The following TDRP variants were observed in gnomAD, a reference collection of about 807,000 sequenced individuals.
TDRP encodes the protein testis development related protein, also known as testis development-related protein.
Under a neutral mutation model 10.5 loss-of-function variants are expected in TDRP, and 12 were observed. That is an observed-to-expected ratio of 1.15 (90% CI 0.73 to 1.86). The LOEUF (loss-of-function observed/expected upper bound fraction) is 1.86, where lower values mean the gene tolerates loss of function less well. Among genes scored for constraint, TDRP ranks in the 40% most tolerant of loss-of-function variants. The pLI, the probability that TDRP is intolerant of heterozygous loss-of-function variation, is 0.00. For synonymous variants in TDRP, 139 were observed against 95.4 expected, an observed-to-expected ratio of 1.46 and a Z score of -2.67; for missense variants, 353 against 229.2, an observed-to-expected ratio of 1.54 and a Z score of -3.49.
At chr8:500,436 G>T (rs548567911) in intron 1 of TDRP, among the ~76,000 whole-genome samples, 1 of 152,284 alleles carries the variant, frequency 6.6e-6, no homozygotes, top group African/African-American at 2.4e-5. Context: ...CAGAGCTTGG[G>T]TGTGGCAACC....
At chr8:507,446 C>T (rs1161466009) in intron 1 of TDRP, among the ~76,000 whole-genome samples, 2 of 152,176 alleles carry the variant, frequency 1.3e-5, no homozygotes, top group East Asian at 3.9e-4. Context: ...CACAATTTGA[C>T]TGGATTCATT....
At position 528,575 on chromosome 8, in the gene TDRP, C is replaced by A. The variant is rs528363654; in HGVS notation, c.108+16075G>T. Among the ~76,000 whole-genome samples, 63 of 133,878 alleles carry A rather than the reference C, an allele frequency of 4.7e-4. 4 individuals are homozygous for A. The highest frequency in any genetic ancestry group is 1.6e-3 in the African/African-American group (61 of 38,428). The allele number at this position is 133,878 out of a possible 152,430, so 87.8% of individuals were successfully genotyped here. A position where few individuals can be genotyped will look rare whatever the true frequency, so the allele number is the denominator to read the frequency against. On this transcript the variant is annotated intron_variant, in intron 1 of 2. Coordinates refer to ENST00000324079, the MANE Select transcript of TDRP (RefSeq NM_001384899.1). The stretch of plus-strand genomic sequence containing the variant: ...TAAGATCTGGTACTTGACAGCACAA[C>A]AGGATGACTACAGCCAATAATATTA...
intron 1 of TDRP, among the ~76,000 whole-genome samples, chr8:539,394 C>T (rs376041750): frequency 6.6e-6 from 1 of 152,188 alleles, no homozygotes; most frequent in Non-Finnish European, 1.5e-5. Flanking sequence ...GCCTCTGGAA[C>T]TGGAGAAATA....
Position 492,641 on chromosome 8 carries a change from T to C in TDRP, c.316A>G (p.Ile106Val). ...AGTTTTGGAGGCTCCCAACCTTCAA[T>C]TTCATCTGGTTTTTTAGACTGTATA... ...QNIQSKKPDEIEGWEPPKLAL... is the reference protein window; with the variant it reads ...QNIQSKKPDEVEGWEPPKLAL... Residue 106 changes from isoleucine (I) to valine (V), a missense_variant, in exon 3 of 3, where the codon ATT (isoleucine) becomes GTT (valine). By Grantham distance (29) the Ile-to-Val change is conservative (BLOSUM62 3). Coordinates refer to ENST00000324079, the MANE Select transcript of TDRP (RefSeq NM_001384899.1). The C allele has an allele frequency of 6.2e-7, 1 of 1,614,030 alleles. No homozygotes were observed. The highest frequency in any genetic ancestry group is 1.1e-5 in the South Asian group (1 of 91,082).
At chr8:544,353 G>A (rs1014211021) in intron 1 of TDRP, among the ~76,000 whole-genome samples, 20 of 152,052 alleles carry the variant, frequency 1.3e-4, no homozygotes, top group African/African-American at 4.6e-4. Flanking sequence ...CACGTGCAGG[G>A]GGCACTGGGT....
At chr8:499,026 T>C (rs1435563770) in intron 1 of TDRP, among the ~76,000 whole-genome samples, 1 of 152,148 alleles carries the variant, frequency 6.6e-6, no homozygotes, top group Non-Finnish European at 1.5e-5. Flanking sequence ...AATTACCCAG[T>C]CTCAGGTAGT....
At chr8:513,742 A>C (rs1431469369) in intron 1 of TDRP, among the ~76,000 whole-genome samples, 2 of 152,222 alleles carry the variant, frequency 1.3e-5, no homozygotes, top group Non-Finnish European at 2.9e-5. Context: ...TTTGCATACA[A>C]AATATGAAGT....
At chr8:503,251 T>A (rs6997375) in intron 1 of TDRP, among the ~76,000 whole-genome samples, 3 of 148,706 alleles carry the variant, frequency 2.0e-5, no homozygotes, top group Admixed American at 6.6e-5. Flanking sequence ...CACACCAACA[T>A]GGAATCCAGA....
Position 528,479 on chromosome 8 carries a change from G to C in TDRP, c.108+16171C>G, listed in dbSNP as rs188470953. On this transcript the variant is annotated intron_variant, in intron 1 of 2. Transcript: ENST00000324079. ...TGCTTCCAATATATATTGCAGCACT[G>C]TTCACAACAGCCAAGATTTGGAAGC... Among the ~76,000 whole-genome samples the C allele has an allele frequency of 7.0e-4, 93 of 133,504 alleles. 3 individuals are homozygous for C. Among genetic ancestry groups the C allele is most frequent in the Middle Eastern group, 3.8e-3 (1 of 260 alleles). 87.6% of individuals were successfully genotyped at this position (133,504 alleles called of 152,430 possible).
chr8:541,845 C>T (rs1165288632), intron 1 of TDRP, among the ~76,000 whole-genome samples: 1 of 152,114 alleles, frequency 6.6e-6, no homozygotes, highest in African/African-American at 2.4e-5. Flanking sequence ...GACGGTTTGG[C>T]GGTTTCTTAT....
intron 1 of TDRP, among the ~76,000 whole-genome samples, chr8:536,817 A>C (rs1802359189): frequency 6.6e-6 from 1 of 152,110 alleles, no homozygotes; most frequent in Admixed American, 6.5e-5. Flanking sequence ...GAGCCAGCTG[A>C]ATCCGGAGCG....
At chr8:520,801 G>A (rs1328952094) in intron 1 of TDRP, among the ~76,000 whole-genome samples, 1 of 152,046 alleles carries the variant, frequency 6.6e-6, no homozygotes, top group Non-Finnish European at 1.5e-5. Flanking sequence ...TTTTGTTGTT[G>A]TTTGGTCATA....
intron 1 of TDRP, among the ~76,000 whole-genome samples, chr8:515,048 C>A (rs1801721416): frequency 6.6e-6 from 1 of 152,170 alleles, no homozygotes; most frequent in Non-Finnish European, 1.5e-5. Flanking sequence ...ACTGGAGACA[C>A]AGGTCAGGCT....
At chr8:516,316 G>C (rs549267567) in intron 1 of TDRP, among the ~76,000 whole-genome samples, 2 of 152,270 alleles carry the variant, frequency 1.3e-5, no homozygotes, top group East Asian at 1.9e-4. Context: ...ACATTCAAGA[G>C]AATGAGAGGA....
intron 1 of TDRP, among the ~76,000 whole-genome samples, chr8:528,263 T>C (rs1379131982): frequency 6.6e-6 from 1 of 152,154 alleles, no homozygotes; most frequent in Non-Finnish European, 1.5e-5. Context: ...CAATACCAAA[T>C]GCTGGTGAGG....
intron 1 of TDRP, among the ~76,000 whole-genome samples, chr8:520,935 T>C (rs546212471): frequency 6.6e-6 from 1 of 152,200 alleles, no homozygotes; most frequent in East Asian, 1.9e-4. Context: ...GTCTTAAATT[T>C]TGATATGCTT....
At chr8:501,032 C>T (rs1367304186) in intron 1 of TDRP, among the ~76,000 whole-genome samples, 2 of 152,048 alleles carry the variant, frequency 1.3e-5, no homozygotes, top group African/African-American at 4.8e-5. Context: ...CGGTGAAACC[C>T]CGTCTCTACT....
At chr8:527,150 T>C (rs1399235878) in intron 1 of TDRP, among the ~76,000 whole-genome samples, 1 of 151,544 alleles carries the variant, frequency 6.6e-6, no homozygotes, top group East Asian at 1.9e-4. Context: ...GCAGACAATC[T>C]GAAAAAATAA....
intron 1 of TDRP, among the ~76,000 whole-genome samples, chr8:507,743 G>A (rs1014564701): frequency 2.6e-5 from 4 of 152,166 alleles, no homozygotes; most frequent in African/African-American, 9.7e-5. Context: ...CAATGGGAAA[G>A]GGGGAACAGT....
Sources: gnomAD v4.1 joint callset for allele counts (sites outside exome capture counted in the v4.1 genomes callset) on GRCh38, gnomAD v4.1.1 for gene constraint, MANE v1.5 for transcripts, NCBI Gene and HGNC (gene_info 2026-07-23, HGNC 2026-07-21) for gene names.